EFCAB5: variants seen among roughly 807,000 people sequenced by gnomAD.
EFCAB5 encodes EF-hand calcium-binding domain-containing protein 5.
EFCAB5 carries 131 observed loss-of-function variants against 167.9 expected under a neutral mutation model. The ratio of observed to expected loss-of-function variants is 0.78; its 90% CI spans 0.68 to 0.90. EFCAB5 has a LOEUF of 0.90. Ranked by LOEUF, EFCAB5 falls within the 40% of genes least tolerant of loss-of-function variation. The probability of loss-of-function intolerance (pLI) is 0.00; values close to 1 mark genes in which losing one functional copy is unlikely to be tolerated. For missense variants in EFCAB5, 1,663 were observed against 1,745.2 expected (o/e 0.95, Z 0.84); for synonymous variants, 574 against 602.8 (o/e 0.95, Z 0.70).
In EFCAB5 at chr17:29,943,601, G is replaced by T. The variant is rs1457892370; in HGVS notation, c.142G>T (p.Asp48Tyr). ...QSVPDVPVKE[D>Y]TNSVVEKAMD... ...TGTGCCAGACGTTCCTGTAAAAGAG[G>T]ACACCAACAGTGTGGTGGAGAAAGC... The change falls in exon 3 of 23, where the codon GAC (aspartate) becomes TAC (tyrosine). Residue 48 changes from aspartate to tyrosine, a missense_variant. Transcript: ENST00000394835. The T allele has an allele frequency of 6.3e-7, 1 of 1,586,388 alleles. No homozygotes were observed.
In EFCAB5 at chr17:30,092,825, G is replaced by A; in HGVS notation, c.4225-15G>A. ...CTGGTGATCCCATAAATTTTCTCTT[G>A]TTGTTTGTTCACAGTATGTTAACAA... is the stretch of plus-strand genomic sequence containing the variant. On this transcript the variant is annotated splice_polypyrimidine_tract_variant and intron_variant, in intron 21 of 22. Coordinates refer to ENST00000394835, the MANE Select transcript of EFCAB5 (RefSeq NM_198529.4). 3 of 1,587,992 alleles carry A rather than the reference G, an allele frequency of 1.9e-6. No individual in the cohort carries two copies. Among genetic ancestry groups the A allele is most frequent in the Non-Finnish European group, 1.7e-6 (2 of 1,163,402 alleles).
chr17:29,996,444 G>T, intron 6 of EFCAB5, 84 bp downstream of exon 6: 1 of 1,180,998 alleles, frequency 8.5e-7, no homozygotes, highest in South Asian at 1.4e-5. Context: ...GAGTCAACAT[G>T]AGACAGATGT....
At chr17:29,982,199 C>T (rs1016797764) in intron 4 of EFCAB5, among the ~76,000 whole-genome samples, 6 of 152,106 alleles carry the variant, frequency 3.9e-5, no homozygotes, top group Admixed American at 1.3e-4. Context: ...TCTGGGAGGC[C>T]GAGGCGGATG....
intron 7 of EFCAB5, among the ~76,000 whole-genome samples, chr17:30,024,534 G>T (rs925647364): frequency 6.6e-6 from 1 of 152,018 alleles, no homozygotes; most frequent in Non-Finnish European, 1.5e-5. Flanking sequence ...AAATAAAAGA[G>T]GATATAAACA....
chr17:30,014,402 T>C (rs2068981378), intron 7 of EFCAB5, among the ~76,000 whole-genome samples: 1 of 152,190 alleles, frequency 6.6e-6, no homozygotes, highest in Admixed American at 6.5e-5. Flanking sequence ...CAGTGGGGTG[T>C]TAAAGTCTCC....
At chr17:30,008,120 T>C (rs569743973) in intron 7 of EFCAB5, among the ~76,000 whole-genome samples, 3 of 152,232 alleles carry the variant, frequency 2.0e-5, no homozygotes, top group Non-Finnish European at 2.9e-5. Context: ...AGCTGTACTA[T>C]ATGCATTTTA....
chr17:30,090,360 G>A, intron 19 of EFCAB5, 61 bp from the exon 20 acceptor site: 1 of 1,567,736 alleles, frequency 6.4e-7, no homozygotes, highest in Non-Finnish European at 8.6e-7. Context: ...ATATGTTTTG[G>A]TGGAATGATG....
chr17:29,980,972 T>C (rs1280790213), intron 4 of EFCAB5, among the ~76,000 whole-genome samples: 3 of 152,190 alleles, frequency 2.0e-5, no homozygotes, highest in Non-Finnish European at 1.5e-5. Flanking sequence ...TTTCACCTTC[T>C]TTTCTTAAAT....
intron 19 of EFCAB5, among the ~76,000 whole-genome samples, chr17:30,089,161 A>G (rs1470799778): frequency 6.6e-6 from 1 of 151,752 alleles, no homozygotes; most frequent in South Asian, 2.1e-4. Flanking sequence ...TCATTGTTCA[A>G]TTCCCACCTA....
Position 30,086,976 on chromosome 17 carries a change from AT to A in EFCAB5, c.3580-79del, listed in dbSNP as rs775101269. 1.0e-4 allele frequency: 119 copies of A among 1,152,478 alleles called. No individual in the cohort carries two copies. The Middle Eastern group carries it at 1.4e-3, about 14-fold the overall frequency. The allele number at this position is 1,152,478 out of a possible 1,614,324, so 71.4% of individuals were successfully genotyped here. ...AGCCAGAGGTCATCTAAGCTTTCCT[AT>A]TTTTTTTCTATTTATCTGTCCCCAA... On this transcript the variant is annotated intron_variant, in intron 18 of 22. Coordinates refer to ENST00000394835, the MANE Select transcript of EFCAB5 (RefSeq NM_198529.4).
intron 22 of EFCAB5, among the ~76,000 whole-genome samples, chr17:30,102,800 A>G (rs1367052234): frequency 6.6e-6 from 1 of 151,876 alleles, no homozygotes; most frequent in African/African-American, 2.4e-5. Flanking sequence ...AAAGAAAGAA[A>G]AATACCAAAG....
At chr17:30,018,098 C>T (rs535854103) in intron 7 of EFCAB5, among the ~76,000 whole-genome samples, 9 of 152,142 alleles carry the variant, frequency 5.9e-5, no homozygotes, top group African/African-American at 2.2e-4. Context: ...GAATGGTATA[C>T]TGTAATTGGG....
At chr17:30,030,295 T>C (rs2069445427) in intron 7 of EFCAB5, among the ~76,000 whole-genome samples, 1 of 152,212 alleles carries the variant, frequency 6.6e-6, no homozygotes, top group African/African-American at 2.4e-5. Context: ...ATCAGAACTT[T>C]CAGGGATGAA....
At chr17:30,002,216 A>G (rs192439396) in intron 7 of EFCAB5, among the ~76,000 whole-genome samples, 1 of 152,296 alleles carries the variant, frequency 6.6e-6, no homozygotes, top group African/African-American at 2.4e-5. Flanking sequence ...ATATATTTAC[A>G]AGAAGTTGCA....
At chr17:30,075,209 C>T (rs750465463) in intron 14 of EFCAB5, among the ~76,000 whole-genome samples, 1 of 152,166 alleles carries the variant, frequency 6.6e-6, no homozygotes, top group African/African-American at 2.4e-5. Context: ...CCATCACTGT[C>T]GCTGTCCTCT....
rs200281855 is a variant in EFCAB5, at chr17:29,997,539, A to G, written c.973+1179A>G. Reference sequence around the variant, plus strand: ...TACAATTTATATTACTCCCTATTACATAAGTCCTGAAATGGTGAACAACTC... The same window carrying G: ...TACAATTTATATTACTCCCTATTACGTAAGTCCTGAAATGGTGAACAACTC... On this transcript the variant is annotated intron_variant, in intron 6 of 22. Transcript: ENST00000394835. Among the ~76,000 whole-genome samples the G allele has an allele frequency of 4.4e-4, 67 of 152,272 alleles. No homozygotes were observed. In the South Asian group the frequency reaches 0.013, roughly 29 times the overall value.
chr17:30,070,491 A>G (rs1190558870), intron 14 of EFCAB5, among the ~76,000 whole-genome samples: 1 of 152,220 alleles, frequency 6.6e-6, no homozygotes, highest in Non-Finnish European at 1.5e-5. Flanking sequence ...ATAAAAACAC[A>G]TAGACCAATG....
intron 7 of EFCAB5, among the ~76,000 whole-genome samples, chr17:30,002,261 C>G (rs1237596861): frequency 6.6e-6 from 1 of 152,044 alleles, no homozygotes; most frequent in Non-Finnish European, 1.5e-5. Flanking sequence ...TGCCCTTCAT[C>G]CAGTTTCCCC....
intron 4 of EFCAB5, among the ~76,000 whole-genome samples, chr17:29,986,823 A>G (rs897652624): frequency 2.7e-4 from 41 of 150,724 alleles, no homozygotes; most frequent in Non-Finnish European, 4.3e-4. Flanking sequence ...AATTTTTTGT[A>G]TTTTTAGTAG....
Sources: allele counts gnomAD v4.1 joint callset (sites outside exome capture counted in the v4.1 genomes callset), GRCh38; gene constraint gnomAD v4.1.1; transcripts MANE v1.5; gene names NCBI Gene and HGNC (gene_info 2026-07-23, HGNC 2026-07-21).